The following TMEM38B variants were observed in gnomAD, a reference collection of about 807,000 sequenced individuals.
TMEM38B encodes trimeric intracellular cation channel type B.
A neutral mutation model predicts 28.7 loss-of-function variants in TMEM38B; 24 were observed. The ratio of observed to expected loss-of-function variants is 0.84; its 90% CI spans 0.61 to 1.18. The LOEUF (loss-of-function observed/expected upper bound fraction) is 1.18. TMEM38B is among the 50% of genes most tolerant of loss of function. The pLI is 0.00. For synonymous variants in TMEM38B, 131 were observed against 127.7 expected (o/e 1.03, Z -0.17); for missense variants, 380 against 350.9 (o/e 1.08, Z -0.66).
intron 1 of TMEM38B, among the ~76,000 whole-genome samples, chr9:105,703,868 G>A (rs1273272360): frequency 1.3e-5 from 2 of 152,054 alleles, no homozygotes; most frequent in African/African-American, 4.8e-5. Context: ...GTCTGTTCAT[G>A]TCCTTCGCCC....
chr9:105,774,052 A>G lies in TMEM38B; in HGVS notation c.848A>G (p.Lys283Arg), dbSNP rs1826648346. The G allele has an allele frequency of 6.8e-6, 11 of 1,613,636 alleles. No individual in the cohort carries two copies. The highest frequency in any genetic ancestry group is 8.5e-6 in the Non-Finnish European group (10 of 1,179,704). The part of the protein sequence containing the change: ...KPVDVASDNV[K>R]KKHTKKNE ...GTAGATGTTGCCTCAGATAATGTTA[A>G]AAAGAAACATACTAAGAAGAATGAA... The change falls in exon 6 of 6, where the codon AAA (lysine) becomes AGA (arginine). Residue 283 changes from lysine (K) to arginine (R), a missense_variant. Transcript: ENST00000374692.
chr9:105,771,114 G>A (rs554939587), intron 5 of TMEM38B, among the ~76,000 whole-genome samples: 1 of 152,048 alleles, frequency 6.6e-6, no homozygotes, highest in South Asian at 2.1e-4. Context: ...ATATTTTTAG[G>A]GCTTCTATTT....
intron 2 of TMEM38B, among the ~76,000 whole-genome samples, chr9:105,718,446 G>C (rs1327323407): frequency 2.0e-5 from 3 of 152,078 alleles, no homozygotes; most frequent in Admixed American, 2.0e-4. Flanking sequence ...TCCATGTTTT[G>C]TCAGGCTAAT....
intron 2 of TMEM38B, among the ~76,000 whole-genome samples, chr9:105,706,692 C>T (rs570243671): frequency 1.4e-4 from 21 of 149,162 alleles, no homozygotes; most frequent in Non-Finnish European, 1.2e-4. Flanking sequence ...CTTTCTCTCT[C>T]TTTTTTTTTT....
intron 5 of TMEM38B, chr9:105,758,903 T>A (rs1837931791): frequency 8.2e-7 from 1 of 1,220,272 alleles, no homozygotes; most frequent in South Asian, 1.2e-5. Flanking sequence ...GGAGATATGT[T>A]ATTCTGATCT....
chr9:105,718,576 A>G (rs979152923), intron 2 of TMEM38B, among the ~76,000 whole-genome samples: 9 of 152,160 alleles, frequency 5.9e-5, no homozygotes, highest in Admixed American at 2.6e-4. Flanking sequence ...GATGTTAGAA[A>G]TGTTTTTAAA....
intron 5 of TMEM38B, among the ~76,000 whole-genome samples, chr9:105,753,722 A>C (rs1379008680): frequency 6.6e-6 from 1 of 152,190 alleles, no homozygotes; most frequent in African/African-American, 2.4e-5. Flanking sequence ...ACACTGAAGC[A>C]CAGACCAGTG....
intron 2 of TMEM38B, among the ~76,000 whole-genome samples, chr9:105,709,561 T>C (rs1040031661): frequency 2.6e-5 from 4 of 152,208 alleles, no homozygotes; most frequent in African/African-American, 9.6e-5. Flanking sequence ...TATCTACTTT[T>C]CTCCTCAATT....
At chr9:105,761,082 GT>G (rs1366606703) in intron 5 of TMEM38B, among the ~76,000 whole-genome samples, 1 of 152,144 alleles carries the variant, frequency 6.6e-6, no homozygotes, top group Non-Finnish European at 1.5e-5. Flanking sequence ...CTATAATTCT[GT>G]TTTTAAAAGA....
intron 1 of TMEM38B, among the ~76,000 whole-genome samples, chr9:105,703,853 GA>G (rs1315678837): frequency 6.6e-6 from 1 of 152,106 alleles, no homozygotes; most frequent in Non-Finnish European, 1.5e-5. Flanking sequence ...CTTCTTTTGA[GA>G]AGTGTCTGTT....
At chr9:105,731,707 T>C (rs937279825) in intron 4 of TMEM38B, among the ~76,000 whole-genome samples, 4 of 152,222 alleles carry the variant, frequency 2.6e-5, no homozygotes, top group Non-Finnish European at 5.9e-5. Flanking sequence ...AGTCTATCAT[T>C]GTTGGATATT....
chr9:105,737,557 C>G (rs958689260), intron 4 of TMEM38B, among the ~76,000 whole-genome samples: 2 of 152,210 alleles, frequency 1.3e-5, no homozygotes, highest in African/African-American at 4.8e-5. Flanking sequence ...CGACTCTACT[C>G]TCTGAGGAAG....
At chr9:105,734,739 C>T (rs574725813) in intron 4 of TMEM38B, among the ~76,000 whole-genome samples, 14 of 152,094 alleles carry the variant, frequency 9.2e-5, no homozygotes, top group South Asian at 8.3e-4. Context: ...ATCTGATATA[C>T]GTATACCCAC....
At chr9:105,745,130 A>G (rs935915520) in intron 4 of TMEM38B, among the ~76,000 whole-genome samples, 6 of 152,162 alleles carry the variant, frequency 3.9e-5, no homozygotes, top group Non-Finnish European at 1.5e-5. Context: ...GTCAAATGGT[A>G]TTTCTAGTTC....
intron 4 of TMEM38B, among the ~76,000 whole-genome samples, chr9:105,747,773 T>C (rs371951719): frequency 3.2e-4 from 48 of 152,328 alleles, no homozygotes; most frequent in African/African-American, 1.1e-3. Flanking sequence ...TCTGGTATGT[T>C]GTGTCGTTGT....
rs377755288 is a variant in TMEM38B, at chr9:105,759,197, T to TA, written c.660+11008dup. On this transcript the variant is annotated intron_variant, in intron 5 of 5. Transcript: ENST00000374692. ...TTCTAGATCTCCTTGAACCTCTCCT[T>TA]ACTTTTGAATATTATGAATTATTTG... 1.5e-5 allele frequency: 11 copies of TA among 728,018 alleles called. No homozygotes were observed. The African/African-American group carries it at 1.9e-4, about 13-fold the overall frequency. 45.1% of individuals were successfully genotyped at this position (728,018 alleles called of 1,614,324 possible).
chr9:105,765,595 G>A (rs981308525), intron 5 of TMEM38B, among the ~76,000 whole-genome samples: 2 of 152,100 alleles, frequency 1.3e-5, no homozygotes, highest in African/African-American at 4.8e-5. Flanking sequence ...GAGTCATATA[G>A]TATGTACTCA....
chr9:105,763,625 G>C (rs1838149532), intron 5 of TMEM38B, among the ~76,000 whole-genome samples: 1 of 152,232 alleles, frequency 6.6e-6, no homozygotes, highest in Non-Finnish European at 1.5e-5. Context: ...GGACCAGACA[G>C]ATTCACAGCC....
At chr9:105,750,474 A>G (rs1837606564) in intron 5 of TMEM38B, among the ~76,000 whole-genome samples, 1 of 152,058 alleles carries the variant, frequency 6.6e-6, no homozygotes, top group Non-Finnish European at 1.5e-5. Flanking sequence ...AAATATAAAA[A>G]TTAGTTGTGC....
Sources: gnomAD v4.1 joint callset for allele counts (sites outside exome capture counted in the v4.1 genomes callset) on GRCh38, gnomAD v4.1.1 for gene constraint, MANE v1.5 for transcripts, NCBI Gene and HGNC (gene_info 2026-07-23, HGNC 2026-07-21) for gene names.